The following BMP5 variants were observed in gnomAD, a reference collection of about 807,000 sequenced individuals.
The protein encoded by BMP5 is bone morphogenetic protein 5.
BMP5 carries 23 observed loss-of-function variants against 46.6 expected under a neutral mutation model. The ratio of observed to expected loss-of-function variants is 0.49; its 90% CI spans 0.35 to 0.70. The LOEUF (loss-of-function observed/expected upper bound fraction) is 0.70, where lower values mean the gene tolerates loss of function less well. Ranked by LOEUF, BMP5 falls within the 30% of genes least tolerant of loss-of-function variation. The pLI is 0.00. For missense variants in BMP5, 545 were observed against 565.6 expected, an observed-to-expected ratio of 0.96 and a Z score of 0.37; for synonymous variants, 204 against 191.9, an observed-to-expected ratio of 1.06 and a Z score of -0.52.
rs189617604 is a variant in BMP5 at position 55,808,441 on chromosome 6, C to A, written c.683+11214G>T. Among the ~76,000 whole-genome samples, 783 of 152,258 alleles carry A rather than the reference C, an allele frequency of 5.1e-3. 6 individuals carry two copies. The highest frequency in any genetic ancestry group is 0.018 in the African/African-American group (736 of 41,538). Reference sequence around the variant, plus strand: ...TATCTGTCCCGGTGTTGGCTCTCACCCTCCCCCAAGGACCTCAAATGGCTT... The same window carrying A: ...TATCTGTCCCGGTGTTGGCTCTCACACTCCCCCAAGGACCTCAAATGGCTT... On this transcript the variant is annotated intron_variant, in intron 2 of 6. Coordinates refer to ENST00000370830, the MANE Select transcript of BMP5 (RefSeq NM_021073.4).
At chr6:55,765,723 C>T (rs1774901804) in intron 4 of BMP5, among the ~76,000 whole-genome samples, 1 of 152,118 alleles carries the variant, frequency 6.6e-6, no homozygotes, top group East Asian at 1.9e-4. Flanking sequence ...GCCAGTAATA[C>T]GTACTGTTGT....
chr6:55,792,613 G>A (rs1175892011), intron 3 of BMP5, among the ~76,000 whole-genome samples: 2 of 151,514 alleles, frequency 1.3e-5, no homozygotes, highest in Admixed American at 6.6e-5. Context: ...CAATTTGTGT[G>A]TGAACTTCAT....
chr6:55,823,583 C>A (rs1776460399), intron 1 of BMP5, among the ~76,000 whole-genome samples: 1 of 151,998 alleles, frequency 6.6e-6, no homozygotes, highest in Non-Finnish European at 1.5e-5. Context: ...GATTTCATCC[C>A]AGGATTTCAA....
intron 4 of BMP5, among the ~76,000 whole-genome samples, chr6:55,763,690 G>A (rs1774839739): frequency 6.6e-6 from 1 of 152,064 alleles, no homozygotes; most frequent in Non-Finnish European, 1.5e-5. Context: ...TTATTAAAAT[G>A]TTCTACAATC....
chr6:55,763,256 T>G (rs541651274), intron 4 of BMP5, among the ~76,000 whole-genome samples: 78 of 152,258 alleles, frequency 5.1e-4, no homozygotes, highest in African/African-American at 1.8e-3. Flanking sequence ...TTGAATTCTA[T>G]GTATATAAAA....
intron 1 of BMP5, among the ~76,000 whole-genome samples, 183 bp downstream of exon 1, chr6:55,874,193 T>A (rs1309351960): frequency 6.6e-6 from 1 of 152,000 alleles, no homozygotes. Context: ...ACTATTCATA[T>A]TAAATATATA....
chr6:55,864,352 A>T (rs1322950459), intron 1 of BMP5, among the ~76,000 whole-genome samples: 1 of 152,152 alleles, frequency 6.6e-6, no homozygotes, highest in East Asian at 1.9e-4. Context: ...TGCCGTTATG[A>T]ATAGATAAAT....
chr6:55,763,467 A>G (rs1161807692), intron 4 of BMP5, among the ~76,000 whole-genome samples: 1 of 152,156 alleles, frequency 6.6e-6, no homozygotes, highest in Non-Finnish European at 1.5e-5. Flanking sequence ...AAATTAATGG[A>G]TAGTGAGTGA....
chr6:55,818,979 T>G (rs1377284265), intron 2 of BMP5, among the ~76,000 whole-genome samples: 1 of 151,814 alleles, frequency 6.6e-6, no homozygotes, highest in Admixed American at 6.6e-5. Context: ...GACAGATAGA[T>G]AGATAGATGG....
intron 1 of BMP5, among the ~76,000 whole-genome samples, chr6:55,847,517 C>T (rs539954262): frequency 6.6e-6 from 1 of 151,872 alleles, no homozygotes; most frequent in East Asian, 1.9e-4. Flanking sequence ...TACCGTTAGT[C>T]GTATTATTTA....
At chr6:55,870,398 T>G (rs1286101646) in intron 1 of BMP5, among the ~76,000 whole-genome samples, 1 of 152,080 alleles carries the variant, frequency 6.6e-6, no homozygotes, top group East Asian at 1.9e-4. Flanking sequence ...ATTTTTCTCT[T>G]CAAAAGTTAA....
chr6:55,845,011 G>A (rs2127547086), intron 1 of BMP5, among the ~76,000 whole-genome samples: 1 of 151,992 alleles, frequency 6.6e-6, no homozygotes, highest in African/African-American at 2.4e-5. Context: ...GTGACTATCA[G>A]TTATATTTAT....
intron 3 of BMP5, among the ~76,000 whole-genome samples, chr6:55,790,661 G>T (rs1452013130): frequency 2.0e-5 from 3 of 152,136 alleles, no homozygotes; most frequent in Non-Finnish European, 4.4e-5. Context: ...GACATAGTGT[G>T]CATTTACTTA....
chr6:55,834,722 A>G (rs1776748395), intron 1 of BMP5, among the ~76,000 whole-genome samples: 1 of 152,198 alleles, frequency 6.6e-6, no homozygotes, highest in Non-Finnish European at 1.5e-5. Flanking sequence ...AATAAATAAA[A>G]TAACATGTTT....
Position 55,754,312 on chromosome 6 carries a change from A to G in BMP5, c.*1221T>C, listed in dbSNP as rs1052258338. The G allele has an allele frequency of 1.3e-5, 1 of 77,282 alleles. No individual in the cohort carries two copies. Among genetic ancestry groups the G allele is most frequent in the Non-Finnish European group, 2.4e-5 (1 of 41,476 alleles). 4.8% of individuals were successfully genotyped at this position (77,282 alleles called of 1,614,324 possible). On this transcript the variant is annotated 3_prime_UTR_variant, in exon 7 of 7. Transcript: ENST00000370830. ...ATTAATTTTAGAGGGAAGAACACAC[A>G]TGCACACACAGACACACACACACAC...
At position 55,837,575 on chromosome 6, in the gene BMP5, C is replaced by A. The variant is rs73448110; in HGVS notation, c.491-17728G>T. ...ATGGGATACATGAGATGTTTCAATACTGGCAGGTAATGTGAAATAAGCACA... is the reference window on the plus strand; with the variant it reads ...ATGGGATACATGAGATGTTTCAATAATGGCAGGTAATGTGAAATAAGCACA... On this transcript the variant is annotated intron_variant, in intron 1 of 6. Transcript: ENST00000370830. Among the ~76,000 whole-genome samples, 742 of 152,196 alleles carry A rather than the reference C, an allele frequency of 4.9e-3. 13 individuals carry two copies. Among genetic ancestry groups the A allele is most frequent in the African/African-American group, 0.016 (666 of 41,524 alleles).
At chr6:55,871,364 T>TA (rs1350509700) in intron 1 of BMP5, among the ~76,000 whole-genome samples, 1 of 151,918 alleles carries the variant, frequency 6.6e-6, no homozygotes, top group Non-Finnish European at 1.5e-5. Context: ...ATGAGACTGA[T>TA]AAAAGTGGCC....
At chr6:55,789,478 C>T (rs534931400) in intron 3 of BMP5, among the ~76,000 whole-genome samples, 3 of 151,960 alleles carry the variant, frequency 2.0e-5, no homozygotes, top group South Asian at 4.2e-4. Flanking sequence ...GATTAAATTG[C>T]TATCTGTGTA....
chr6:55,768,558 A>G (rs1191647300), intron 4 of BMP5, among the ~76,000 whole-genome samples: 1 of 151,938 alleles, frequency 6.6e-6, no homozygotes, highest in African/African-American at 2.4e-5. Flanking sequence ...GGTACTGCAA[A>G]CTTTATTTGG....
Sources: gnomAD v4.1 joint callset for allele counts (sites outside exome capture counted in the v4.1 genomes callset) on GRCh38, gnomAD v4.1.1 for gene constraint, MANE v1.5 for transcripts, NCBI Gene and HGNC (gene_info 2026-07-23, HGNC 2026-07-21) for gene names.